The following METTL6 variants were observed in gnomAD, a reference collection of about 807,000 sequenced individuals.
The protein encoded by METTL6 is tRNA N(3)-cytidine methyltransferase METTL6.
METTL6 carries 22 observed loss-of-function variants against 26.4 expected under a neutral mutation model. The observed-to-expected ratio is 0.83, with a 90% CI of 0.59 to 1.19. METTL6 has a LOEUF of 1.19. Among genes scored for constraint, METTL6 ranks in the 50% most tolerant of loss-of-function variants. METTL6 has a pLI of 0.00. For synonymous variants in METTL6, 109 were observed against 116.2 expected (o/e 0.94, Z 0.40); for missense variants, 304 against 324.8 (o/e 0.94, Z 0.49).
At chr3:15,414,249 G>A in intron 4 of METTL6, 87 bp from the exon 5 acceptor site, 1 of 1,519,356 alleles carries the variant, frequency 6.6e-7, no homozygotes, top group Admixed American at 2.2e-5. Flanking sequence ...ATAAATTTGT[G>A]ATAGTTACTA....
rs986963703 is a variant in METTL6, at chr3:15,419,278, A to G, written c.361-3336T>C. 2.6e-5 allele frequency among the ~76,000 whole-genome samples: 4 copies of G among 152,248 alleles called. No individual in the cohort carries two copies. In the East Asian group the frequency reaches 7.7e-4, roughly 29 times the overall value. ...AAAATATCTAGAATATATCCTGAAA[A>G]TAAGAAAGAAAATGACAAACCAATA... On this transcript the variant is annotated intron_variant, in intron 3 of 5. Transcript: ENST00000383790.
intron 6 of METTL6, among the ~76,000 whole-genome samples, chr3:15,397,989 G>A (rs1699538018): frequency 6.6e-6 from 1 of 152,112 alleles, no homozygotes; most frequent in Non-Finnish European, 1.5e-5. Flanking sequence ...CAGCATGCAA[G>A]AAGATCATTT....
At chr3:15,400,112 C>T (rs185416153) in intron 6 of METTL6, among the ~76,000 whole-genome samples, 18 of 152,216 alleles carry the variant, frequency 1.2e-4, no homozygotes, top group Admixed American at 3.9e-4. Flanking sequence ...TTACCACAGG[C>T]GGCCACCCTT....
intron 3 of METTL6, among the ~76,000 whole-genome samples, chr3:15,421,297 C>T (rs949012257): frequency 1.3e-5 from 2 of 152,154 alleles, no homozygotes; most frequent in Admixed American, 6.5e-5. Flanking sequence ...ACGATACATA[C>T]TGCGTGATCT....
intron 6 of METTL6, among the ~76,000 whole-genome samples, chr3:15,389,152 G>C (rs1014535516): frequency 6.6e-5 from 10 of 151,574 alleles, no homozygotes; most frequent in African/African-American, 2.4e-4. Flanking sequence ...CACCACACCT[G>C]GCCTTTTTTT....
chr3:15,395,990 G>A (rs1266189860), intron 6 of METTL6, among the ~76,000 whole-genome samples: 6 of 151,958 alleles, frequency 3.9e-5, no homozygotes, highest in South Asian at 2.1e-4. Context: ...TGCTCTTCTC[G>A]AGGAGTATCT....
chr3:15,419,784 C>T (rs764661591), intron 3 of METTL6, among the ~76,000 whole-genome samples: 1 of 151,970 alleles, frequency 6.6e-6, no homozygotes, highest in African/African-American at 2.4e-5. Flanking sequence ...ATATATGATG[C>T]TGATCACATT....
rs143788445 is a variant in METTL6 at position 15,385,324 on chromosome 3, G to A, written c.*12-1137C>T. Reference sequence around the variant, plus strand: ...TTAAAAACCCACTTGTTGGCCAGGCGCAGTGGCTCACACCTGTAATCTCAG... The same window carrying A: ...TTAAAAACCCACTTGTTGGCCAGGCACAGTGGCTCACACCTGTAATCTCAG... On this transcript the variant is annotated intron_variant, in intron 6 of 6. Transcript: ENST00000443029. Among the ~76,000 whole-genome samples, 1,298 of 152,194 alleles carry A rather than the reference G, an allele frequency of 8.5e-3. 18 individuals are homozygous for A. Among genetic ancestry groups the A allele is most frequent in the African/African-American group, 0.03 (1,227 of 41,498 alleles).
chr3:15,413,321 T>A (rs893421399), intron 5 of METTL6, among the ~76,000 whole-genome samples: 1 of 152,154 alleles, frequency 6.6e-6, no homozygotes, highest in Non-Finnish European at 1.5e-5. Context: ...ACACCTGTAA[T>A]CCCACCACTT....
chr3:15,402,563 C>T (rs1012058176), intron 6 of METTL6, among the ~76,000 whole-genome samples: 3 of 151,710 alleles, frequency 2.0e-5, no homozygotes, highest in African/African-American at 4.8e-5. Flanking sequence ...GTGAAACCCC[C>T]TCTCCACTAA....
downstream of METTL6, among the ~76,000 whole-genome samples, chr3:15,408,510 T>C (rs1056204303): frequency 2.6e-5 from 4 of 151,620 alleles, no homozygotes; most frequent in Non-Finnish European, 4.4e-5. Flanking sequence ...TCCAAATGAC[T>C]TCTGATAACA....
chr3:15,393,072 A>G (rs1477960657), intron 6 of METTL6, among the ~76,000 whole-genome samples: 1 of 152,162 alleles, frequency 6.6e-6, no homozygotes, highest in African/African-American at 2.4e-5. Flanking sequence ...CATTGAATCT[A>G]TAAATTACCT....
At chr3:15,390,960 C>G (rs6762954) in intron 6 of METTL6, among the ~76,000 whole-genome samples, 117,000 of 150,940 alleles carry the variant, frequency 0.78, 45,688 homozygotes, top group East Asian at 0.94. Flanking sequence ...ACTGGGCGAT[C>G]AAAGTGGCTC....
At chr3:15,395,227 T>C (rs1699454897) in intron 6 of METTL6, among the ~76,000 whole-genome samples, 1 of 152,260 alleles carries the variant, frequency 6.6e-6, no homozygotes, top group African/African-American at 2.4e-5. Flanking sequence ...CTCTTCTTGC[T>C]GAATTGATCC....
At chr3:15,391,504 A>C (rs1049219311) in intron 6 of METTL6, among the ~76,000 whole-genome samples, 1 of 152,038 alleles carries the variant, frequency 6.6e-6, no homozygotes, top group Non-Finnish European at 1.5e-5. Flanking sequence ...GTATGTTGAC[A>C]GTATTTATTT....
chr3:15,423,386 C>T (rs759483942), intron 3 of METTL6, among the ~76,000 whole-genome samples: 59 of 152,116 alleles, frequency 3.9e-4, no homozygotes, highest in Non-Finnish European at 7.5e-4. Flanking sequence ...GAGCGAGACT[C>T]CGTCTCAAAA....
At chr3:15,390,882 G>A (rs774647557) in intron 6 of METTL6, among the ~76,000 whole-genome samples, 9 of 145,522 alleles carry the variant, frequency 6.2e-5, no homozygotes, top group East Asian at 3.9e-4. Context: ...GGCTCTCAGC[G>A]GCTCTCAGCA....
At chr3:15,402,484 A>T (rs537651894) in intron 6 of METTL6, among the ~76,000 whole-genome samples, 55 of 152,178 alleles carry the variant, frequency 3.6e-4, no homozygotes, top group Non-Finnish European at 5.7e-4. Context: ...CAGTAATCCC[A>T]GCACTCTGGG....
chr3:15,392,554 G>C (rs1165446150), intron 6 of METTL6, among the ~76,000 whole-genome samples: 3 of 152,150 alleles, frequency 2.0e-5, no homozygotes, highest in African/African-American at 7.2e-5. Context: ...TGGTGTTTTA[G>C]ACATGAAGTC....
Sources: gnomAD v4.1 joint callset for allele counts (sites outside exome capture counted in the v4.1 genomes callset) on GRCh38, gnomAD v4.1.1 for gene constraint, MANE v1.5 for transcripts, NCBI Gene and HGNC (gene_info 2026-07-23, HGNC 2026-07-21) for gene names.